The following IQCJ variants were observed in gnomAD, a reference collection of about 807,000 sequenced individuals.
IQCJ encodes the protein IQ domain-containing protein J.
Under a neutral mutation model 11.0 loss-of-function variants are expected in IQCJ, and 9 were observed. The ratio of observed to expected loss-of-function variants is 0.82; its 90% CI spans 0.49 to 1.43. IQCJ has a LOEUF of 1.43. Ranked by LOEUF, IQCJ falls within the 40% of genes most tolerant of loss-of-function variation. The pLI, the probability that IQCJ is intolerant of heterozygous loss-of-function variation, is 0.00. For missense variants in IQCJ, 146 were observed against 133.2 expected (o/e 1.10, Z -0.47); for synonymous variants, 55 against 51.3 (o/e 1.07, Z -0.31).
intron 1 of IQCJ, among the ~76,000 whole-genome samples, chr3:159,113,061 T>C (rs933415947): frequency 3.3e-5 from 5 of 152,224 alleles, no homozygotes; most frequent in African/African-American, 7.2e-5. Context: ...TGTAATCTTA[T>C]AATAACTTTT....
chr3:159,199,221 G>A (rs1724172423), intron 1 of IQCJ, among the ~76,000 whole-genome samples: 1 of 152,152 alleles, frequency 6.6e-6, no homozygotes, highest in Admixed American at 6.5e-5. Flanking sequence ...AGATTATTCT[G>A]CATTATCTGG....
At chr3:159,104,170 G>T (rs962481545) in intron 1 of IQCJ, among the ~76,000 whole-genome samples, 9 of 152,190 alleles carry the variant, frequency 5.9e-5, no homozygotes, top group Admixed American at 1.3e-4. Context: ...TCCTAGGACT[G>T]CTGGTGATCC....
In IQCJ at chr3:159,130,852, G is replaced by GT. The variant is rs1452312557; in HGVS notation, c.9+61418dup. 2.5e-4 allele frequency among the ~76,000 whole-genome samples: 38 copies of GT among 152,132 alleles called. 1 individual carries two copies. In the South Asian group the frequency reaches 7.5e-3, roughly 30 times the overall value. On this transcript the variant is annotated intron_variant, in intron 1 of 3. Transcript: ENST00000397832. ...CGATTTACTTTTCTATAGAAATATA[G>GT]TTTTTTTGTTTGTTTATTGCCTGTT... is the stretch of plus-strand genomic sequence containing the variant.
chr3:159,184,109 T>C (rs1279599477), intron 1 of IQCJ, among the ~76,000 whole-genome samples: 1 of 152,052 alleles, frequency 6.6e-6, no homozygotes, highest in African/African-American at 2.4e-5. Context: ...CTTTGCTATG[T>C]TCTACAAAAG....
At chr3:159,162,905 A>G (rs1436917665) in intron 1 of IQCJ, among the ~76,000 whole-genome samples, 1 of 152,204 alleles carries the variant, frequency 6.6e-6, no homozygotes, top group African/African-American at 2.4e-5. Flanking sequence ...GACCAATAAC[A>G]GGCTCTGAAA....
At chr3:159,193,985 A>G (rs1246699673) in intron 1 of IQCJ, among the ~76,000 whole-genome samples, 2 of 152,224 alleles carry the variant, frequency 1.3e-5, no homozygotes, top group South Asian at 2.1e-4. Flanking sequence ...CAAGGGGTAT[A>G]GATGTCCAAA....
In IQCJ at chr3:159,203,980, C is replaced by T. The variant is rs559661523; in HGVS notation, c.10-41863C>T. On this transcript the variant is annotated intron_variant, in intron 1 of 3. Coordinates refer to ENST00000397832, the MANE Select transcript of IQCJ (RefSeq NM_001042706.3). ...ATTTAACAGGGTCAGTTCTCTGTAG[C>T]TGTCAGTGATCAGAAGGTCATGGCT... Among the ~76,000 whole-genome samples, 6 of 152,212 alleles carry T rather than the reference C, an allele frequency of 3.9e-5. No individual in the cohort carries two copies. The South Asian group carries it at 1.2e-3, about 32-fold the overall frequency.
At chr3:159,224,104 A>T (rs2108128072) in intron 1 of IQCJ, among the ~76,000 whole-genome samples, 1 of 151,628 alleles carries the variant, frequency 6.6e-6, no homozygotes, top group Admixed American at 6.6e-5. Flanking sequence ...GAAATGGCTG[A>T]CTCTGGGTGT....
intron 1 of IQCJ, among the ~76,000 whole-genome samples, chr3:159,138,869 T>C (rs1720442052): frequency 6.6e-6 from 1 of 152,226 alleles, no homozygotes. Context: ...TGGAGCTCTG[T>C]AATGAGACAA....
chr3:159,138,955 G>T (rs1425748095), intron 1 of IQCJ, among the ~76,000 whole-genome samples: 1 of 152,148 alleles, frequency 6.6e-6, no homozygotes, highest in African/African-American at 2.4e-5. Flanking sequence ...GTGAAATCCT[G>T]AGGACAAGAC....
intron 1 of IQCJ, among the ~76,000 whole-genome samples, chr3:159,077,637 A>G (rs540432959): frequency 6.6e-6 from 1 of 152,236 alleles, no homozygotes; most frequent in South Asian, 2.1e-4. Flanking sequence ...AAATAGTTAT[A>G]TATTTACATC....
At chr3:159,138,176 A>T (rs1720405646) in intron 1 of IQCJ, among the ~76,000 whole-genome samples, 1 of 152,200 alleles carries the variant, frequency 6.6e-6, no homozygotes, top group Non-Finnish European at 1.5e-5. Flanking sequence ...TGTTCTTTTC[A>T]CAAAGACTGA....
intron 1 of IQCJ, among the ~76,000 whole-genome samples, chr3:159,172,747 G>C (rs1240932715): frequency 7.1e-6 from 1 of 141,078 alleles, no homozygotes; most frequent in East Asian, 2.3e-4. Flanking sequence ...GTTCCTAGTA[G>C]GCAGGAAGCA....
chr3:159,101,301 A>C (rs1273894363), intron 1 of IQCJ, among the ~76,000 whole-genome samples: 1 of 151,484 alleles, frequency 6.6e-6, no homozygotes. Flanking sequence ...CCGGTACCTC[A>C]GATGGAAATG....
intron 1 of IQCJ, among the ~76,000 whole-genome samples, chr3:159,163,706 C>G (rs1347946509): frequency 6.6e-6 from 1 of 152,052 alleles, no homozygotes. Context: ...TGTAACAATC[C>G]TAGAAAGTAG....
chr3:159,134,443 G>A (rs752311919), intron 1 of IQCJ, among the ~76,000 whole-genome samples: 5 of 152,100 alleles, frequency 3.3e-5, no homozygotes, highest in Non-Finnish European at 7.3e-5. Context: ...GAATCTAAGG[G>A]CATGAATTAA....
intron 3 of IQCJ, among the ~76,000 whole-genome samples, chr3:159,259,905 A>G (rs1220784163): frequency 1.1e-4 from 16 of 152,226 alleles, no homozygotes; most frequent in Non-Finnish European, 2.2e-4. Context: ...TAAAAATAAT[A>G]AGATCGTGTA....
chr3:159,249,790 T>C (rs78255995), intron 2 of IQCJ, among the ~76,000 whole-genome samples: 1,530 of 152,284 alleles, frequency 0.01, 21 homozygotes, highest in African/African-American at 0.035. Flanking sequence ...AACATTACAT[T>C]TATTCTGAAT....
At chr3:159,261,401 G>A (rs185627621) in intron 3 of IQCJ, among the ~76,000 whole-genome samples, 5 of 152,196 alleles carry the variant, frequency 3.3e-5, no homozygotes, top group Non-Finnish European at 7.3e-5. Context: ...ATATGATTTG[G>A]CTCTGTGTCC....
Sources: allele counts gnomAD v4.1 joint callset (sites outside exome capture counted in the v4.1 genomes callset), GRCh38; gene constraint gnomAD v4.1.1; transcripts MANE v1.5; gene names NCBI Gene and HGNC (gene_info 2026-07-23, HGNC 2026-07-21).